The following ARNT2 variants were observed in gnomAD, a reference collection of about 807,000 sequenced individuals.
ARNT2 encodes the protein ARNT protein 2.
Under a neutral mutation model 91.7 loss-of-function variants are expected in ARNT2, and 36 were observed. The ratio of observed to expected loss-of-function variants is 0.39; its 90% CI spans 0.30 to 0.52. The LOEUF is 0.52. ARNT2 is among the 20% of genes least tolerant of loss of function. The pLI is 0.72. For missense variants in ARNT2, 775 were observed against 939.3 expected (o/e 0.83, Z 2.29); for synonymous variants, 365 against 347.1 (o/e 1.05, Z -0.57).
intron 1 of ARNT2, among the ~76,000 whole-genome samples, chr15:80,440,855 G>C (rs187024278): frequency 6.6e-6 from 1 of 152,156 alleles, no homozygotes; most frequent in Non-Finnish European, 1.5e-5. Flanking sequence ...AGGATCTCAC[G>C]GCTGGTTAAA....
In ARNT2 at chr15:80,576,963, C is replaced by T; in HGVS notation, c.1611C>T (p.Phe537=). The T allele has an allele frequency of 6.2e-7, 1 of 1,613,962 alleles. No homozygotes were observed. The highest frequency in any genetic ancestry group is 8.5e-7 in the Non-Finnish European group (1 of 1,179,952). The change falls in exon 15 of 19, where the codon TTC becomes TTT. Residue 537 remains phenylalanine (F), a splice_region_variant and synonymous_variant. Transcript: ENST00000303329. ...PFPSGHSGKA[F]SSSVVHVPGV... is the part of the protein sequence containing the mutation. ...CCTCTGGACACTCCGGGAAGGCCTT[C>T]AGGTATGTGCCAGCGAGGGGGACAA...
At chr15:80,580,604 T>G (rs1898776977) in intron 16 of ARNT2, 55 bp downstream of exon 16, 4 of 1,609,322 alleles carry the variant, frequency 2.5e-6, no homozygotes, top group Admixed American at 3.3e-5. Flanking sequence ...CAGAGCACTC[T>G]GGGAAGTGTT....
chr15:80,550,094 CAA>C (rs1014088486), intron 8 of ARNT2, among the ~76,000 whole-genome samples: 2 of 152,050 alleles, frequency 1.3e-5, no homozygotes, highest in African/African-American at 4.8e-5. Context: ...AAGCAAAGCC[CAA>C]GAGTGTCTAC....
At position 80,404,461 on chromosome 15, in the gene ARNT2, C is replaced by T; in HGVS notation, c.-55C>T. On this transcript the variant is annotated 5_prime_UTR_variant, in exon 1 of 19. Transcript: ENST00000303329. This position sits in a 1 kb window ranked among gnomAD's most constrained non-coding sequence, Gnocchi z 5.5. Reference sequence around the variant, plus strand: ...GGTCCCCGGGGCTGAGCGCCGGGCTCCGCGCCGCCCCTCCCGCGCCCCTGC... The same window carrying T: ...GGTCCCCGGGGCTGAGCGCCGGGCTTCGCGCCGCCCCTCCCGCGCCCCTGC... 8.6e-7 allele frequency: 1 copy of T among 1,169,554 alleles called. No homozygotes were observed. The allele number at this position is 1,169,554 out of a possible 1,614,324, so 72.4% of individuals were successfully genotyped here.
intron 18 of ARNT2, among the ~76,000 whole-genome samples, chr15:80,593,331 G>C (rs935354833): frequency 2.1e-4 from 32 of 152,230 alleles, no homozygotes; most frequent in African/African-American, 7.0e-4. Context: ...CGTCTACCCT[G>C]GGTCCCTGAC....
chr15:80,440,305 T>C (rs1896168847), intron 1 of ARNT2, among the ~76,000 whole-genome samples: 1 of 152,348 alleles, frequency 6.6e-6, no homozygotes, highest in South Asian at 2.1e-4. Context: ...GCAGGTTGAA[T>C]GGGTCACTCA....
intron 11 of ARNT2, chr15:80,560,185 ATACTGTC>A (rs1208380108): frequency 6.6e-6 from 1 of 152,132 alleles, no homozygotes; most frequent in Non-Finnish European, 1.5e-5. Context: ...GGCAGCAAGC[ATACTGTC>A]TCTGGGTTAC....
At chr15:80,575,873 ACGCCTTGAGC>A (rs1209199171) in intron 14 of ARNT2, among the ~76,000 whole-genome samples, 2 of 152,148 alleles carry the variant, frequency 1.3e-5, no homozygotes, top group Admixed American at 1.3e-4. Context: ...GCTTGCATTC[ACGCCTTGAGC>A]CCTCCCTCGC....
intron 8 of ARNT2, among the ~76,000 whole-genome samples, chr15:80,525,741 C>A (rs1330654798): frequency 6.6e-6 from 1 of 152,090 alleles, no homozygotes; most frequent in Non-Finnish European, 1.5e-5. Context: ...GAAATGAGGT[C>A]ATGGCACTCT....
intron 11 of ARNT2, among the ~76,000 whole-genome samples, chr15:80,560,852 G>A (rs1289154594): frequency 6.6e-6 from 1 of 152,196 alleles, no homozygotes; most frequent in African/African-American, 2.4e-5. Flanking sequence ...CCCCTGTGGT[G>A]TCAGGGACAG....
intron 17 of ARNT2, among the ~76,000 whole-genome samples, chr15:80,590,742 G>C (rs139737714): frequency 6.6e-6 from 1 of 152,172 alleles, no homozygotes; most frequent in African/African-American, 2.4e-5. Flanking sequence ...ACTCTTTCTC[G>C]TATGTAAAAA....
rs751895659 is a variant in ARNT2 at position 80,580,491 on chromosome 15, G to A, written c.1694G>A (p.Arg565Gln). The change falls in exon 16 of 19, where the codon CGG (arginine) becomes CAG (glutamine). Residue 565 changes from arginine to glutamine, a missense_variant. This residue lies in a region of ARNT2 where 325 missense variants were observed against 359.9 expected (regional missense o/e 0.90). Transcript: ENST00000303329. Reference sequence around the variant, plus strand: ...GGCCAGAACATGTCCCAAATCTCCCGGCAGCTAAACCAGAGTCAGGTGGCA... The same window carrying A: ...GGCCAGAACATGTCCCAAATCTCCCAGCAGCTAAACCAGAGTCAGGTGGCA... ...STGQNMSQIS[R>Q]QLNQSQVAWT... is the part of the protein sequence containing the mutation. 2.0e-5 allele frequency: 32 copies of A among 1,613,998 alleles called. No homozygotes were observed. In the East Asian group the frequency reaches 2.0e-4, roughly 10 times the overall value.
chr15:80,409,995 C>T (rs1567172561), intron 1 of ARNT2, among the ~76,000 whole-genome samples: 5 of 152,128 alleles, frequency 3.3e-5, no homozygotes, highest in Admixed American at 3.3e-4. Flanking sequence ...GGGACTGAGA[C>T]TTCATTTTTA....
chr15:80,467,482 C>T (rs929595291), intron 3 of ARNT2, among the ~76,000 whole-genome samples: 2 of 152,112 alleles, frequency 1.3e-5, no homozygotes, highest in Admixed American at 1.3e-4. Context: ...TCCCAGAAGT[C>T]AGGCTGAAGA....
chr15:80,543,746 A>G (rs1596006191), intron 8 of ARNT2, among the ~76,000 whole-genome samples: 1 of 152,086 alleles, frequency 6.6e-6, no homozygotes, highest in East Asian at 1.9e-4. Context: ...GTACATTTTA[A>G]TTTTTTATTA....
At chr15:80,550,295 C>T (rs1898060995) in intron 8 of ARNT2, among the ~76,000 whole-genome samples, 1 of 152,182 alleles carries the variant, frequency 6.6e-6, no homozygotes, top group South Asian at 2.1e-4. Context: ...TTCTCCGGCT[C>T]ACAAAACCAT....
chr15:80,414,170 C>T (rs1416062264), intron 1 of ARNT2, among the ~76,000 whole-genome samples: 1 of 152,220 alleles, frequency 6.6e-6, no homozygotes, highest in East Asian at 1.9e-4. Context: ...AAACGTGTAT[C>T]CACACAGTGC....
chr15:80,541,847 A>G (rs1336332097), intron 8 of ARNT2, among the ~76,000 whole-genome samples: 1 of 152,224 alleles, frequency 6.6e-6, no homozygotes, highest in Admixed American at 6.5e-5. Context: ...TTAATCCTAA[A>G]TCTTTTCCAC....
intron 1 of ARNT2, chr15:80,443,053 C>A (rs1324967637): frequency 3.1e-6 from 3 of 979,060 alleles, no homozygotes; most frequent in Non-Finnish European, 3.6e-6. Flanking sequence ...CACCAGGGAC[C>A]AGACCTGGAC....
Sources: allele counts gnomAD v4.1 joint callset (sites outside exome capture counted in the v4.1 genomes callset), GRCh38; gene constraint gnomAD v4.1.1; regional missense constraint gnomAD v4.1.1; non-coding constraint Gnocchi (gnomAD v3.1); transcripts MANE v1.5; gene names NCBI Gene and HGNC (gene_info 2026-07-23, HGNC 2026-07-21).